BRDT: variants seen among roughly 807,000 people sequenced by gnomAD.
BRDT encodes bromodomain testis-specific protein.
Under a neutral mutation model 113.9 loss-of-function variants are expected in BRDT, and 77 were observed. The observed-to-expected ratio is 0.68, with a 90% CI of 0.56 to 0.82. The LOEUF (loss-of-function observed/expected upper bound fraction) is 0.82. Among genes scored for constraint, BRDT ranks in the 40% least tolerant of loss-of-function variants. BRDT has a pLI of 0.00. For missense variants in BRDT, 1,027 were observed against 1,105.4 expected, an observed-to-expected ratio of 0.93 and a Z score of 1.01; for synonymous variants, 358 against 366.5, an observed-to-expected ratio of 0.98 and a Z score of 0.26.
intron 1 of BRDT, among the ~76,000 whole-genome samples, chr1:91,959,180 AAAC>A (rs755133951): frequency 3.3e-5 from 5 of 152,002 alleles, no homozygotes; most frequent in African/African-American, 7.3e-5. Context: ...CCATCTCAAA[AAAC>A]AAACAAAAAC....
intron 12 of BRDT, among the ~76,000 whole-genome samples, chr1:91,985,346 C>T (rs1408789338): frequency 2.0e-5 from 3 of 152,084 alleles, no homozygotes; most frequent in Admixed American, 6.5e-5. Flanking sequence ...AGGCATGAGC[C>T]ACCGCGCCTG....
At position 91,980,998 on chromosome 1, in the gene BRDT, A is replaced by G. The variant is rs1252427719; in HGVS notation, c.1570A>G (p.Lys524Glu). 1.2e-6 allele frequency: 2 copies of G among 1,614,016 alleles called. No homozygotes were observed. Among genetic ancestry groups the G allele is most frequent in the Non-Finnish European group, 1.7e-6 (2 of 1,180,014 alleles). The change falls in exon 10 of 19, where the codon AAA becomes GAA. Residue 524 changes from lysine (K) to glutamate (E), a missense_variant. By Grantham distance (56) the Lys-to-Glu change is moderately conservative. Transcript: ENST00000399546. ...EKRQLSLNINKLPGDKLGRVV... is the reference protein window; with the variant it reads ...EKRQLSLNINELPGDKLGRVV... ...AAGGCAGTTAAGTCTGAATATAAAC[A>G]AACTCCCTGGAGATAAACTTGGGCG...
intron 15 of BRDT, among the ~76,000 whole-genome samples, chr1:91,996,673 C>A (rs1686368800): frequency 1.3e-5 from 2 of 152,138 alleles, no homozygotes; most frequent in Non-Finnish European, 2.9e-5. Flanking sequence ...ATTATTAGGA[C>A]CAAAACTAAC....
At chr1:92,007,058 G>A (rs1687379007) in intron 18 of BRDT, among the ~76,000 whole-genome samples, 2 of 152,154 alleles carry the variant, frequency 1.3e-5, no homozygotes, top group African/African-American at 2.4e-5. Context: ...CAAAGTGTTA[G>A]GATGACAGGC....
intron 1 of BRDT, among the ~76,000 whole-genome samples, chr1:91,958,377 G>T (rs1028785014): frequency 6.6e-6 from 1 of 151,724 alleles, no homozygotes; most frequent in East Asian, 2.0e-4. Flanking sequence ...TGCCATGCCC[G>T]GCTAGTTTTC....
At chr1:91,974,740 T>G (rs912572424) in intron 4 of BRDT, among the ~76,000 whole-genome samples, 16 of 152,216 alleles carry the variant, frequency 1.1e-4, no homozygotes, top group Admixed American at 3.3e-4. Flanking sequence ...CTCAGGGATC[T>G]AGAACTAGAA....
rs920755515 is a variant in BRDT at position 91,976,124 on chromosome 1, T to C, written c.446-142T>C. The C allele has an allele frequency of 1.4e-5, 11 of 772,164 alleles. No homozygotes were observed. In the Middle Eastern group the frequency reaches 1.5e-3, roughly 109 times the overall value. The allele number at this position is 772,164 out of a possible 1,614,324, so 47.8% of individuals were successfully genotyped here. A position where few individuals can be genotyped will look rare whatever the true frequency, so the allele number is the denominator to read the frequency against. ...AATTGGTCTAACCTGTCTAATCCTG[T>C]GTGTGTAGATTTCAAAATGAAATAA... On this transcript the variant is annotated intron_variant, in intron 4 of 18. Transcript: ENST00000399546.
intron 1 of BRDT, among the ~76,000 whole-genome samples, chr1:91,961,650 AAATT>A (rs371773657): frequency 2.6e-5 from 4 of 152,014 alleles, no homozygotes; most frequent in Admixed American, 2.6e-4. Context: ...GAGACACCAT[AAATT>A]AATCACTTTT....
chr1:92,013,804 G>T (rs72954747), intron 18 of BRDT, among the ~76,000 whole-genome samples: 1,774 of 152,258 alleles, frequency 0.012, 32 homozygotes, highest in African/African-American at 0.041. Context: ...ACATAACAAA[G>T]ATATTGGTTC....
chr1:92,004,943 G>A (rs1270011491), intron 17 of BRDT, among the ~76,000 whole-genome samples, 176 bp from the exon 18 acceptor site: 5 of 152,070 alleles, frequency 3.3e-5, no homozygotes, highest in African/African-American at 1.2e-4. Flanking sequence ...CCATTTATTT[G>A]TTAATATGGA....
intron 1 of BRDT, among the ~76,000 whole-genome samples, chr1:91,952,635 A>G (rs1001051537): frequency 6.6e-6 from 1 of 152,156 alleles, no homozygotes; most frequent in East Asian, 1.9e-4. Flanking sequence ...GGACCAGGCC[A>G]TCTGTTGAAG....
chr1:91,963,061 C>T lies in BRDT; in HGVS notation c.192+115C>T, dbSNP rs137963708. 4.6e-4 allele frequency: 369 copies of T among 801,958 alleles called. 3 individuals carry two copies. Among genetic ancestry groups the T allele is most frequent in the Middle Eastern group, 4.3e-3 (11 of 2,558 alleles). 49.7% of individuals were successfully genotyped at this position (801,958 alleles called of 1,614,324 possible). On this transcript the variant is annotated intron_variant, in intron 2 of 18. Transcript: ENST00000399546. ...ATATTTGGCCAGGCGCGTTGGCTCC[C>T]GCCTATAATCCCAGCACTTTGGGAG...
At chr1:91,996,595 G>C (rs2101768332) in intron 15 of BRDT, among the ~76,000 whole-genome samples, 1 of 152,316 alleles carries the variant, frequency 6.6e-6, no homozygotes, top group African/African-American at 2.4e-5. Flanking sequence ...GTAGAGGATG[G>C]ATTAAGATGA....
rs981715563 is a variant in BRDT at position 91,991,191 on chromosome 1, C to A, written c.2010C>A (p.Phe670Leu). 1 of 1,530,698 alleles carries A rather than the reference C, an allele frequency of 6.5e-7. No individual in the cohort carries two copies. The highest frequency in any genetic ancestry group is 1.8e-5 in the Admixed American group (1 of 54,300). The allele number at this position is 1,530,698 out of a possible 1,614,324, so 94.8% of individuals were successfully genotyped here. ...SDSSDSESEM[F>L]PKFTEVKPND... ...ATGTGTATACATTTGCAGAAATGTT[C>A]CCTAAGTTTACAGAAGTAAAACCAA... Residue 670 changes from phenylalanine (F) to leucine (L), a missense_variant, in exon 13 of 19, where the codon TTC (phenylalanine) becomes TTA (leucine). Phe to Leu is a conservative substitution (Grantham distance 22, BLOSUM62 0). Transcript: ENST00000399546.
chr1:92,007,111 G>A (rs558537831), intron 18 of BRDT, among the ~76,000 whole-genome samples: 84 of 152,246 alleles, frequency 5.5e-4, no homozygotes, highest in Middle Eastern at 3.4e-3. Flanking sequence ...GTTTAGACTA[G>A]TTACATTCAG....
At position 91,954,802 on chromosome 1, in the gene BRDT, AAAT is replaced by A. The variant is rs550122989; in HGVS notation, c.-38+5121_-38+5123del. Among the ~76,000 whole-genome samples the A allele has an allele frequency of 2.6e-3, 385 of 150,182 alleles. 2 individuals are homozygous for A. The highest frequency in any genetic ancestry group is 9.0e-3 in the African/African-American group (367 of 40,940). On this transcript the variant is annotated intron_variant, in intron 1 of 18. Coordinates refer to ENST00000399546, the MANE Select transcript of BRDT (RefSeq NM_207189.4). ...TGGTGAACCCTCATCTCTACTAAAA[AAAT>A]TAAAAAAATTAGCCAGGTGTGGTGG...
intron 7 of BRDT, among the ~76,000 whole-genome samples, chr1:91,979,011 A>AAACAACAAC (rs71091252): frequency 7.6e-6 from 1 of 130,814 alleles, no homozygotes; most frequent in African/African-American, 2.9e-5. Context: ...AAAAAAAAAA[A>AAACAACAAC]AACAACAACA....
chr1:91,955,020 C>G (rs1681586615), intron 1 of BRDT, among the ~76,000 whole-genome samples: 1 of 152,072 alleles, frequency 6.6e-6, no homozygotes, highest in Non-Finnish European at 1.5e-5. Context: ...ATTATAGTTG[C>G]CAGTATAATG....
intron 12 of BRDT, among the ~76,000 whole-genome samples, chr1:91,988,866 A>C (rs576391048): frequency 6.6e-6 from 1 of 152,242 alleles, no homozygotes; most frequent in Non-Finnish European, 1.5e-5. Context: ...TTATGCTCTT[A>C]AAAAGTCAAT....
Sources: gnomAD v4.1 joint callset for allele counts (sites outside exome capture counted in the v4.1 genomes callset) on GRCh38, gnomAD v4.1.1 for gene constraint, MANE v1.5 for transcripts, NCBI Gene and HGNC (gene_info 2026-07-23, HGNC 2026-07-21) for gene names.